The following PHF21B variants were observed in gnomAD, a reference collection of about 807,000 sequenced individuals.
PHF21B encodes the protein PHD finger protein 21B.
A neutral mutation model predicts 62.2 loss-of-function variants in PHF21B; 22 were observed. That is an observed-to-expected ratio of 0.35 (90% CI 0.25 to 0.51). The LOEUF is 0.51. Among genes scored for constraint, PHF21B ranks in the 20% least tolerant of loss-of-function variants. PHF21B has a pLI of 0.97. For missense variants in PHF21B, 701 were observed against 707.9 expected, an observed-to-expected ratio of 0.99 and a Z score of 0.11; for synonymous variants, 341 against 314.7, an observed-to-expected ratio of 1.08 and a Z score of -0.88.
At chr22:44,956,240 G>C (rs2072294567) in intron 2 of PHF21B, among the ~76,000 whole-genome samples, 1 of 152,308 alleles carries the variant, frequency 6.6e-6, no homozygotes, top group Middle Eastern at 3.4e-3. Flanking sequence ...ATTTTGCCTG[G>C]GGGAGAAGCT....
At chr22:44,977,664 A>G (rs2072762826) in intron 2 of PHF21B, among the ~76,000 whole-genome samples, 1 of 151,828 alleles carries the variant, frequency 6.6e-6, no homozygotes. Flanking sequence ...CTGCAGCCTC[A>G]ACCTCCTGGG....
intron 5 of PHF21B, among the ~76,000 whole-genome samples, chr22:44,905,341 C>T (rs951927016): frequency 9.9e-5 from 15 of 152,200 alleles, no homozygotes; most frequent in Admixed American, 2.0e-4. Flanking sequence ...GTCATCTCAT[C>T]GCCATGTTTG....
intron 2 of PHF21B, among the ~76,000 whole-genome samples, chr22:44,977,752 ATTT>A (rs112069200): frequency 0.02 from 2,708 of 135,126 alleles, 80 homozygotes; most frequent in African/African-American, 0.068. Flanking sequence ...CTCATTTTTC[ATTT>A]TTTTTTTTTT....
At position 44,895,914 on chromosome 22, in the gene PHF21B, C is replaced by T. The variant is rs532330300; in HGVS notation, c.883+118G>A. 2.1e-5 allele frequency: 23 copies of T among 1,104,802 alleles called. No individual in the cohort carries two copies. The African/African-American group carries it at 2.1e-4, about 10-fold the overall frequency. 68.4% of individuals were successfully genotyped at this position (1,104,802 alleles called of 1,614,324 possible). On this transcript the variant is annotated intron_variant, in intron 6 of 12. Coordinates refer to ENST00000313237, the MANE Select transcript of PHF21B (RefSeq NM_138415.5). ...CCCACTGCAGCAGTGTGAGGCCACG[C>T]TCCACCCATATCGGCTGCTGCTGAA...
rs142030912 is a variant in PHF21B, at chr22:44,961,845, A to AAAATAAAT, written c.121-41363_121-41356dup. On this transcript the variant is annotated intron_variant, in intron 2 of 12. Transcript: ENST00000313237. ...GGGTGACAGAGCGAGACTCTGTCTC[A>AAAATAAAT]AAATAAATAAATAAATAAATAAATA... 4.7e-3 allele frequency among the ~76,000 whole-genome samples: 684 copies of AAAATAAAT among 144,310 alleles called. 1 individual carries two copies. The highest frequency in any genetic ancestry group is 1.0e-2 in the Admixed American group (142 of 14,236). The allele number at this position is 144,310 out of a possible 152,430, so 94.7% of individuals were successfully genotyped here.
At chr22:44,947,432 A>T (rs948088150) in intron 2 of PHF21B, among the ~76,000 whole-genome samples, 1 of 152,230 alleles carries the variant, frequency 6.6e-6, no homozygotes, top group Non-Finnish European at 1.5e-5. Context: ...AATCCTGGCC[A>T]GCGCCAGGGC....
At chr22:44,898,699 C>T (rs907117919) in intron 5 of PHF21B, among the ~76,000 whole-genome samples, 1 of 151,826 alleles carries the variant, frequency 6.6e-6, no homozygotes, top group African/African-American at 2.4e-5. Flanking sequence ...TTTTCTTTTG[C>T]AGTGTTTTGA....
chr22:44,908,386 C>G (rs771262699), intron 5 of PHF21B, among the ~76,000 whole-genome samples: 1 of 152,190 alleles, frequency 6.6e-6, no homozygotes, highest in Non-Finnish European at 1.5e-5. Context: ...GTGGTCTTAT[C>G]TCGTTCTGCT....
intron 2 of PHF21B, among the ~76,000 whole-genome samples, chr22:45,007,713 AAGGGGCGGGTGTGCGAGTGCGGG>A (rs1569290256): frequency 2.5e-4 from 5 of 20,360 alleles, no homozygotes. Flanking sequence ...GAGCGCGGGG[AAGGGGCGGGTGTGCGAGTGCGGG>A]GAGGGGGCGC....
At chr22:44,892,526 G>A (rs1033903808) in intron 7 of PHF21B, among the ~76,000 whole-genome samples, 9 of 152,242 alleles carry the variant, frequency 5.9e-5, no homozygotes, top group African/African-American at 2.2e-4. Context: ...TGGGAGGTGA[G>A]ACAGCACTTT....
chr22:44,900,755 G>C (rs1044581320), intron 5 of PHF21B, among the ~76,000 whole-genome samples: 2 of 150,414 alleles, frequency 1.3e-5, no homozygotes, highest in African/African-American at 4.9e-5. Flanking sequence ...TCAGACACCA[G>C]CTTAACTGCT....
rs190739553 is a variant in PHF21B at position 44,934,275 on chromosome 22, G to A, written c.121-13785C>T. The stretch of plus-strand genomic sequence containing the variant: ...TGCTTCCCCTGTCCTGGAGCGTGGC[G>A]GTGAGGATGTTAGAACAGCCTGGTA... On this transcript the variant is annotated intron_variant, in intron 2 of 12. Coordinates refer to ENST00000313237, the MANE Select transcript of PHF21B (RefSeq NM_138415.5). Among the ~76,000 whole-genome samples, 256 of 152,254 alleles carry A rather than the reference G, an allele frequency of 1.7e-3. 2 individuals are homozygous for A. The highest frequency in any genetic ancestry group is 5.8e-3 in the African/African-American group (239 of 41,532).
chr22:44,953,162 T>A lies in PHF21B; in HGVS notation c.121-32672A>T, dbSNP rs1434339235. The stretch of plus-strand genomic sequence containing the variant: ...GAAGGAGAAGGTCCCCACAGGACTC[T>A]TCTCTCGGACACTGAGGCCCGCAGC... On this transcript the variant is annotated intron_variant, in intron 2 of 12. Coordinates refer to ENST00000313237, the MANE Select transcript of PHF21B (RefSeq NM_138415.5). 2.0e-5 allele frequency among the ~76,000 whole-genome samples: 3 copies of A among 152,178 alleles called. No homozygotes were observed. In the East Asian group the frequency reaches 5.8e-4, roughly 29 times the overall value.
At chr22:45,002,218 C>T (rs2073232973) in intron 2 of PHF21B, among the ~76,000 whole-genome samples, 1 of 152,118 alleles carries the variant, frequency 6.6e-6, no homozygotes, top group African/African-American at 2.4e-5. Context: ...TATCAATATA[C>T]AAATATTTGT....
At chr22:44,981,508 C>A (rs529709007) in intron 2 of PHF21B, among the ~76,000 whole-genome samples, 57 of 152,316 alleles carry the variant, frequency 3.7e-4, no homozygotes, top group Admixed American at 1.6e-3. Flanking sequence ...GCTCAGGAAG[C>A]CCTGGCTCAA....
chr22:44,985,009 G>A (rs79661460), intron 2 of PHF21B, among the ~76,000 whole-genome samples: 12,165 of 152,236 alleles, frequency 0.08, 609 homozygotes, highest in Middle Eastern at 0.19. Context: ...TGGGTTTTCT[G>A]TTATCCTGTT....
intron 2 of PHF21B, among the ~76,000 whole-genome samples, chr22:44,984,516 A>G (rs1234064323): frequency 6.6e-6 from 1 of 152,210 alleles, no homozygotes; most frequent in Non-Finnish European, 1.5e-5. Flanking sequence ...GCAGGTGAAC[A>G]GAGCTCGGGG....
At chr22:44,897,971 G>A (rs1169713790) in intron 5 of PHF21B, among the ~76,000 whole-genome samples, 3 of 152,028 alleles carry the variant, frequency 2.0e-5, no homozygotes, top group Admixed American at 6.6e-5. Flanking sequence ...ACCACACCCA[G>A]CTAATTTTTA....
In PHF21B at chr22:44,899,163, G is replaced by T. The variant is rs535268627; in HGVS notation, c.832-3080C>A. On this transcript the variant is annotated intron_variant, in intron 5 of 12. Coordinates refer to ENST00000313237, the MANE Select transcript of PHF21B (RefSeq NM_138415.5). ...AACCATCTTAGGAAGCTCTGAGGAT[G>T]AGGGAATCAGTTGGTGGATTTGCTG... Among the ~76,000 whole-genome samples the T allele has an allele frequency of 2.9e-3, 446 of 152,228 alleles. 1 individual carries two copies. The highest frequency in any genetic ancestry group is 0.011 in the African/African-American group (437 of 41,546).
Sources: allele counts gnomAD v4.1 joint callset (sites outside exome capture counted in the v4.1 genomes callset), GRCh38; gene constraint gnomAD v4.1.1; transcripts MANE v1.5; gene names NCBI Gene and HGNC (gene_info 2026-07-23, HGNC 2026-07-21).